BCAP29: variants seen among roughly 807,000 people sequenced by gnomAD.
The protein encoded by BCAP29 is B cell receptor associated protein 29, also known as B-cell receptor-associated protein 29.
BCAP29 carries 34 observed loss-of-function variants against 31.8 expected under a neutral mutation model. That is an observed-to-expected ratio of 1.07 (90% CI 0.81 to 1.42). The LOEUF is 1.42. BCAP29 is among the 40% of genes most tolerant of loss of function. The probability of loss-of-function intolerance (pLI) is 0.00; values close to 1 mark genes in which losing one functional copy is unlikely to be tolerated. For missense variants in BCAP29, 314 were observed against 269.2 expected, an observed-to-expected ratio of 1.17 and a Z score of -1.16; for synonymous variants, 104 against 91.3, an observed-to-expected ratio of 1.14 and a Z score of -0.79.
intron 6 of BCAP29, among the ~76,000 whole-genome samples, chr7:107,606,974 C>T (rs1812215570): frequency 6.6e-6 from 1 of 152,108 alleles, no homozygotes; most frequent in South Asian, 2.1e-4. Context: ...AAAGAGCAGT[C>T]TCCTGAGGCC....
Position 107,591,656 on chromosome 7 carries a change from A to ACACACACACACACACACC in BCAP29, c.194-2298_194-2297insACACACACACACACACCC. Among the ~76,000 whole-genome samples, 29 of 136,156 alleles carry ACACACACACACACACACC rather than the reference A, an allele frequency of 2.1e-4. 1 individual carries two copies. The highest frequency in any genetic ancestry group is 6.5e-4 in the East Asian group (3 of 4,584). 89.3% of individuals were successfully genotyped at this position (136,156 alleles called of 152,430 possible). A position where few individuals can be genotyped will look rare whatever the true frequency, so the allele number is the denominator to read the frequency against. On this transcript the variant is annotated intron_variant, in intron 3 of 7. Coordinates refer to ENST00000005259, the MANE Select transcript of BCAP29 (RefSeq NM_018844.4). ...CATACACACATACACACACACACAC[A>ACACACACACACACACACC]CCCTATTGGTTCTTTTTCCCTGGAG... is the stretch of plus-strand genomic sequence containing the variant.
At chr7:107,596,082 G>A in intron 5 of BCAP29, 80 bp downstream of exon 5, 2 of 1,239,784 alleles carry the variant, frequency 1.6e-6, no homozygotes, top group East Asian at 5.3e-5. Flanking sequence ...ATCAAAAAGA[G>A]CATTTTTATA....
intron 2 of BCAP29, among the ~76,000 whole-genome samples, chr7:107,583,300 T>TATATA (rs1554473309): frequency 1.5e-4 from 22 of 150,356 alleles, no homozygotes; most frequent in African/African-American, 5.1e-4. Context: ...TTACATGGTT[T>TATATA]TATATATATA....
chr7:107,585,637 A>G (rs1206548567), intron 3 of BCAP29, among the ~76,000 whole-genome samples: 1 of 152,186 alleles, frequency 6.6e-6, no homozygotes, highest in East Asian at 1.9e-4. Context: ...TTTCTATTGA[A>G]AACTGTCACT....
intron 6 of BCAP29, among the ~76,000 whole-genome samples, chr7:107,607,037 G>A (rs959851403): frequency 2.6e-5 from 4 of 152,226 alleles, no homozygotes; most frequent in South Asian, 2.1e-4. Context: ...CTCTGAGGCC[G>A]GGCGCAGTGG....
Position 107,600,447 on chromosome 7 carries a change from TAAAA to T in BCAP29, c.534_537del (p.Lys178AsnfsTer2). 1 of 1,611,390 alleles carries T rather than the reference TAAAA, an allele frequency of 6.2e-7. No individual in the cohort carries two copies. Among genetic ancestry groups the T allele is most frequent in the Non-Finnish European group, 8.5e-7 (1 of 1,178,470 alleles). ...AAGAATGTGTTTTGGAAGCAGAAAATAAAAAACTAGTAGAAGACCAGGAGAAACT... is the reference window on the plus strand; with the variant it reads ...AAGAATGTGTTTTGGAAGCAGAAAATAACTAGTAGAAGACCAGGAGAAACT... On this transcript the variant is annotated frameshift_variant, in exon 6 of 8. Coordinates refer to ENST00000005259, the MANE Select transcript of BCAP29 (RefSeq NM_018844.4). LOFTEE classifies it high-confidence loss of function.
chr7:107,588,655 C>T (rs898821501), intron 3 of BCAP29, among the ~76,000 whole-genome samples: 4 of 152,104 alleles, frequency 2.6e-5, no homozygotes, highest in African/African-American at 9.7e-5. Context: ...TTCTTCCAAC[C>T]GCTTTCCAGT....
At chr7:107,594,202 T>G in intron 4 of BCAP29, 97 bp downstream of exon 4, 1 of 1,081,192 alleles carries the variant, frequency 9.2e-7, no homozygotes. Flanking sequence ...TTTTTTTTTT[T>G]AAGAGAGACA....
intron 3 of BCAP29, among the ~76,000 whole-genome samples, chr7:107,591,579 G>T (rs1034836714): frequency 7.5e-6 from 1 of 132,992 alleles, no homozygotes; most frequent in African/African-American, 3.1e-5. Flanking sequence ...AATAAATCTC[G>T]AGCTCTCTCT....
intron 4 of BCAP29, 29 bp downstream of exon 4, chr7:107,594,134 A>G: frequency 6.4e-7 from 1 of 1,556,296 alleles, no homozygotes; most frequent in Non-Finnish European, 8.8e-7. Flanking sequence ...TAGAAGCACA[A>G]TTTAAAAACA....
intron 6 of BCAP29, among the ~76,000 whole-genome samples, chr7:107,600,974 A>G (rs888378324): frequency 1.6e-4 from 24 of 152,328 alleles, no homozygotes; most frequent in African/African-American, 5.5e-4. Context: ...AGAGTAGGCA[A>G]CAATATCTGG....
chr7:107,582,290 C>T (rs1806826763), intron 2 of BCAP29, among the ~76,000 whole-genome samples: 1 of 152,088 alleles, frequency 6.6e-6, no homozygotes, highest in Non-Finnish European at 1.5e-5. Context: ...GATCAAGTAG[C>T]TATTAGATAG....
At chr7:107,612,391 T>TCATATATATA (rs1813284355) in intron 6 of BCAP29, among the ~76,000 whole-genome samples, 1 of 30,878 alleles carries the variant, frequency 3.2e-5, no homozygotes, top group Non-Finnish European at 6.0e-5. Flanking sequence ...ATGTATTGTT[T>TCATATATATA]TATATATATA....
chr7:107,591,658 C>A (rs1297641912), intron 3 of BCAP29, among the ~76,000 whole-genome samples: 1 of 15,516 alleles, frequency 6.4e-5, no homozygotes. Flanking sequence ...ACACACACAC[C>A]CTATTGGTTC....
chr7:107,599,003 C>CAAATT (rs1278996727), intron 5 of BCAP29, among the ~76,000 whole-genome samples: 4 of 10,308 alleles, frequency 3.9e-4, no homozygotes, highest in Admixed American at 9.6e-4. Context: ...ATTTATAGAT[C>CAAATT]TACAAATTTA....
At chr7:107,591,656 A>ACACACACACACACACACACACACACCCC in intron 3 of BCAP29, among the ~76,000 whole-genome samples, 27 of 136,172 alleles carry the variant, frequency 2.0e-4, no homozygotes, top group South Asian at 9.9e-4. Context: ...ACACACACAC[A>ACACACACACACACACACACACACACCCC]CCCTATTGGT....
intron 6 of BCAP29, among the ~76,000 whole-genome samples, chr7:107,601,124 T>C (rs754153745): frequency 4.7e-4 from 71 of 152,322 alleles, no homozygotes; most frequent in Admixed American, 8.5e-4. Context: ...TGTTTTTTTC[T>C]TAGTCAAAGA....
intron 7 of BCAP29, among the ~76,000 whole-genome samples, chr7:107,616,841 C>T (rs909328500): frequency 1.3e-5 from 2 of 152,128 alleles, no homozygotes; most frequent in East Asian, 1.9e-4. Context: ...CCAATTTAAT[C>T]GATTCTTGTG....
Position 107,619,539 on chromosome 7 carries a change from A to G in BCAP29, c.*1176A>G, listed in dbSNP as rs536975414. 34 of 152,244 alleles carry G rather than the reference A, an allele frequency of 2.2e-4. No individual in the cohort carries two copies. Among genetic ancestry groups the G allele is most frequent in the African/African-American group, 7.7e-4 (32 of 41,560 alleles). The allele number at this position is 152,244 out of a possible 1,614,324, so 9.4% of individuals were successfully genotyped here. A position where few individuals can be genotyped will look rare whatever the true frequency, so the allele number is the denominator to read the frequency against. On this transcript the variant is annotated 3_prime_UTR_variant, in exon 8 of 8. Coordinates refer to ENST00000005259, the MANE Select transcript of BCAP29 (RefSeq NM_018844.4). ...ACACCTAGCTAATTTTTTTCATCAT[A>G]AAGTGGATGAAATGAGCAAGTACCT...
Sources: gnomAD v4.1 joint callset for allele counts (sites outside exome capture counted in the v4.1 genomes callset) on GRCh38, gnomAD v4.1.1 for gene constraint, MANE v1.5 for transcripts, NCBI Gene and HGNC (gene_info 2026-07-23, HGNC 2026-07-21) for gene names.